Variants in MAPK8 observed in about 807,000 individuals in gnomAD.
The protein encoded by MAPK8 is JUN N-terminal kinase.
A neutral mutation model predicts 52.9 loss-of-function variants in MAPK8; 13 were observed. That is an observed-to-expected ratio of 0.25 (90% confidence interval 0.16 to 0.39). The LOEUF (loss-of-function observed/expected upper bound fraction) is 0.39, where lower values mean the gene tolerates loss of function less well. Ranked by LOEUF, MAPK8 falls within the 10% of genes least tolerant of loss-of-function variation. The pLI is 1.00. For synonymous variants in MAPK8, 191 were observed against 169.8 expected, an observed-to-expected ratio of 1.12 and a Z score of -0.97; for missense variants, 300 against 519.2, an observed-to-expected ratio of 0.58 and a Z score of 4.10.
chr10:48,401,531 AGTACGT>A, intron 1 of MAPK8, 75 bp from the exon 2 acceptor site: 1 of 811,212 alleles, frequency 1.2e-6, no homozygotes, highest in Non-Finnish European at 2.0e-6. Flanking sequence ...TGTTACTATC[AGTACGT>A]AAACAGTAAG....
At chr10:48,337,764 G>A (rs999766323) in intron 1 of MAPK8, among the ~76,000 whole-genome samples, 2 of 152,114 alleles carry the variant, frequency 1.3e-5, no homozygotes, top group African/African-American at 4.8e-5. Context: ...TGGCAAAGAT[G>A]TCATTACAGT....
chr10:48,319,756 T>G (rs1339761712), intron 1 of MAPK8, among the ~76,000 whole-genome samples: 1 of 152,176 alleles, frequency 6.6e-6, no homozygotes, highest in African/African-American at 2.4e-5. Context: ...CCTCCAAAAG[T>G]GCTGGGATTA....
At chr10:48,324,963 G>GTTTTTGTTTTTT (rs1322242672) in intron 1 of MAPK8, among the ~76,000 whole-genome samples, 1 of 149,270 alleles carries the variant, frequency 6.7e-6, no homozygotes, top group Non-Finnish European at 1.5e-5. Flanking sequence ...GTGTTTTTTT[G>GTTTTTGTTTTTT]TTTTTCTAAC....
At position 48,367,393 on chromosome 10, in the gene MAPK8, A is replaced by G. The variant is rs535395923; in HGVS notation, c.-49-34219A>G. On this transcript the variant is annotated intron_variant, in intron 1 of 11. Coordinates refer to ENST00000374189, the MANE Select transcript of MAPK8 (RefSeq NM_001323329.2). Reference sequence around the variant, plus strand: ...AAATTAAAAATAAATAAATAAATAAATAAATAAATACATATATATGTTTAC... The same window carrying G: ...AAATTAAAAATAAATAAATAAATAAGTAAATAAATACATATATATGTTTAC... Among the ~76,000 whole-genome samples the G allele has an allele frequency of 4.0e-4, 61 of 151,038 alleles. 3 individuals carry two copies. The South Asian group carries it at 0.012, about 30-fold the overall frequency.
chr10:48,308,593 T>C (rs999094608), intron 1 of MAPK8, among the ~76,000 whole-genome samples: 2 of 152,212 alleles, frequency 1.3e-5, no homozygotes, highest in Non-Finnish European at 2.9e-5. Flanking sequence ...TGTGTGTCCG[T>C]GTGTGTGCAT....
chr10:48,410,648 A>G (rs1052041732), intron 5 of MAPK8, among the ~76,000 whole-genome samples: 3 of 152,230 alleles, frequency 2.0e-5, no homozygotes, highest in African/African-American at 7.2e-5. Context: ...TTTAGGATAT[A>G]CCTGTGACTG....
rs146648273 is a variant in MAPK8, at chr10:48,380,633, T to C, written c.-49-20979T>C. Among the ~76,000 whole-genome samples, 1,059 of 152,282 alleles carry C rather than the reference T, an allele frequency of 7.0e-3. 16 individuals are homozygous for C. Among genetic ancestry groups the C allele is most frequent in the African/African-American group, 0.023 (956 of 41,552 alleles). On this transcript the variant is annotated intron_variant, in intron 1 of 11. Coordinates refer to ENST00000374189, the MANE Select transcript of MAPK8 (RefSeq NM_001323329.2). ...CCTGAATGTGAGCTACTTGGGAGGC[T>C]GAGGCAAGAGAATCACTTGAACCCA...
chr10:48,327,320 T>C (rs769755804), intron 1 of MAPK8, among the ~76,000 whole-genome samples: 31 of 152,364 alleles, frequency 2.0e-4, no homozygotes, highest in Non-Finnish European at 3.4e-4. Flanking sequence ...TCAGACGCTT[T>C]GTCTGCATCC....
At chr10:48,339,057 A>ATT (rs551292010) in intron 1 of MAPK8, among the ~76,000 whole-genome samples, 2 of 152,030 alleles carry the variant, frequency 1.3e-5, no homozygotes, top group Non-Finnish European at 2.9e-5. Flanking sequence ...TACCAATGTG[A>ATT]TTTTTTTTCA....
intron 1 of MAPK8, among the ~76,000 whole-genome samples, chr10:48,324,520 T>TTTTTTTTTTTTTTTTTTAAAAAA: frequency 6.6e-6 from 1 of 150,906 alleles, no homozygotes; most frequent in Non-Finnish European, 1.5e-5. Flanking sequence ...TTTTTTTTTT[T>TTTTTTTTTTTTTTTTTTAAAAAA]ACACTCATGA....
intron 1 of MAPK8, among the ~76,000 whole-genome samples, chr10:48,339,274 T>C (rs1190920331): frequency 6.6e-6 from 1 of 151,776 alleles, no homozygotes; most frequent in African/African-American, 2.4e-5. Context: ...AACCCAGAAA[T>C]AAAGCCACAC....
intron 1 of MAPK8, among the ~76,000 whole-genome samples, chr10:48,388,246 C>G (rs558374247): frequency 2.0e-5 from 3 of 152,300 alleles, no homozygotes; most frequent in South Asian, 4.1e-4. Flanking sequence ...CCTCACCTTT[C>G]TGTGAGATAG....
chr10:48,415,441 AC>A (rs769989386), intron 5 of MAPK8, among the ~76,000 whole-genome samples: 5 of 152,192 alleles, frequency 3.3e-5, no homozygotes, highest in Non-Finnish European at 5.9e-5. Flanking sequence ...AAAAACAAAC[AC>A]AAAATTACAA....
At chr10:48,404,507 A>G (rs1358717748) in intron 2 of MAPK8, among the ~76,000 whole-genome samples, 1 of 152,132 alleles carries the variant, frequency 6.6e-6, no homozygotes, top group Non-Finnish European at 1.5e-5. Context: ...AAGGTTAAGG[A>G]TTTATTTAGG....
intron 1 of MAPK8, among the ~76,000 whole-genome samples, chr10:48,326,761 A>G (rs1843562670): frequency 6.6e-6 from 1 of 152,206 alleles, no homozygotes; most frequent in Non-Finnish European, 1.5e-5. Flanking sequence ...CTATTACCAT[A>G]CGGATCATTC....
intron 1 of MAPK8, among the ~76,000 whole-genome samples, chr10:48,333,024 T>A (rs1784821974): frequency 6.6e-6 from 1 of 152,210 alleles, no homozygotes; most frequent in Admixed American, 6.5e-5. Flanking sequence ...GTTATGTCCC[T>A]TGCCATCTGT....
At chr10:48,358,311 A>G (rs1238609409) in intron 1 of MAPK8, among the ~76,000 whole-genome samples, 2 of 152,220 alleles carry the variant, frequency 1.3e-5, no homozygotes, top group East Asian at 3.8e-4. Flanking sequence ...AATTATCCAC[A>G]TCGTGGTCAG....
intron 1 of MAPK8, among the ~76,000 whole-genome samples, chr10:48,322,477 A>C (rs1252277270): frequency 1.3e-5 from 2 of 152,206 alleles, no homozygotes; most frequent in African/African-American, 4.8e-5. Context: ...TAGTGGCACT[A>C]GCAATCCCGA....
chr10:48,320,995 C>T (rs1239121886), intron 1 of MAPK8, among the ~76,000 whole-genome samples: 1 of 151,038 alleles, frequency 6.6e-6, no homozygotes, highest in Non-Finnish European at 1.5e-5. Flanking sequence ...GTTTCATGTG[C>T]TTCTTGGCCA....
Sources: allele counts gnomAD v4.1 joint callset (sites outside exome capture counted in the v4.1 genomes callset), GRCh38; gene constraint gnomAD v4.1.1; transcripts MANE v1.5; gene names NCBI Gene and HGNC (gene_info 2026-07-23, HGNC 2026-07-21).